The following ZBTB34 variants were observed in gnomAD, a reference collection of about 807,000 sequenced individuals.
The protein encoded by ZBTB34 is zinc finger and BTB domain-containing protein 34.
A neutral mutation model predicts 33.4 loss-of-function variants in ZBTB34; 1 was observed. The observed-to-expected ratio is 0.03, with a 90% CI of 0.01 to 0.14. ZBTB34 has a LOEUF of 0.14. ZBTB34 is among the 10% of genes least tolerant of loss of function. The probability of loss-of-function intolerance (pLI) is 1.00; values close to 1 mark genes in which losing one functional copy is unlikely to be tolerated. For missense variants in ZBTB34, 406 were observed against 657.2 expected (o/e 0.62, Z 4.18); for synonymous variants, 283 against 253.5 (o/e 1.12, Z -1.11).
At position 126,880,262 on chromosome 9, in the gene ZBTB34, C is replaced by T. The variant is rs762968550; in HGVS notation, c.863C>T (p.Ser288Phe). ...GGTTCTGTGCTCCAGCACGCATACTCCTATTCCCAAGCAGCCTCACAGCCA... is the reference window on the plus strand; with the variant it reads ...GGTTCTGTGCTCCAGCACGCATACTTCTATTCCCAAGCAGCCTCACAGCCA... The change falls in exon 2 of 2, where the codon TCC becomes TTC. Residue 288 changes from serine (S) to phenylalanine (F), a missense_variant. By Grantham distance (155) the Ser-to-Phe change is radical (BLOSUM62 -2). Coordinates refer to ENST00000319119, the Ensembl canonical transcript of ZBTB34. This position sits in a 1 kb window ranked among gnomAD's most constrained non-coding sequence, Gnocchi z 6.7. 7 of 1,613,816 alleles carry T rather than the reference C, an allele frequency of 4.3e-6. No individual in the cohort carries two copies. The highest frequency in any genetic ancestry group is 1.7e-6 in the Non-Finnish European group (2 of 1,179,908).
chr9:126,866,028 G>C (rs1381510993), intron 1 of ZBTB34, among the ~76,000 whole-genome samples: 1 of 152,138 alleles, frequency 6.6e-6, no homozygotes, highest in Non-Finnish European at 1.5e-5. Flanking sequence ...GGCTTGAGGA[G>C]AGGGCTAGGT....
chr9:126,867,126 C>CTT lies in ZBTB34; in HGVS notation c.-11+6403_-11+6404dup, dbSNP rs201393295. On this transcript the variant is annotated intron_variant, in intron 1 of 1. Transcript: ENST00000319119. ...TGAAACCAGTTTCCTTTGGGGGTTC[C>CTT]TTTTTTTTTTTTTTTTTGCTATAGC... Among the ~76,000 whole-genome samples, 1,057 of 128,534 alleles carry CTT rather than the reference C, an allele frequency of 8.2e-3. 10 individuals are homozygous for CTT. Among genetic ancestry groups the CTT allele is most frequent in the East Asian group, 0.024 (106 of 4,502 alleles). 84.3% of individuals were successfully genotyped at this position (128,534 alleles called of 152,430 possible).
rs367683707 is a variant in ZBTB34, at chr9:126,879,753, C to T, written c.354C>T (p.Val118=). ...CCAGCTTTCTTCAGATGCAGTGTGTCATTGACAAGTGCACGCAGATCCTAG... is the reference window on the plus strand; with the variant it reads ...CCAGCTTTCTTCAGATGCAGTGTGTTATTGACAAGTGCACGCAGATCCTAG... The change falls in exon 2 of 2, where the codon GTC becomes GTT. Residue 118 remains valine, a synonymous_variant. Coordinates refer to ENST00000319119, the Ensembl canonical transcript of ZBTB34. The surrounding 1 kb of genome is among the most constrained non-coding windows in gnomAD (Gnocchi z 6.4). The T allele has an allele frequency of 6.2e-7, 1 of 1,613,482 alleles. No homozygotes were observed. Among genetic ancestry groups the T allele is most frequent in the East Asian group, 2.2e-5 (1 of 44,894 alleles).
chr9:126,881,951 G>GT (rs1170304415), exon 2 of ZBTB34: 4 of 166,622 alleles, frequency 2.4e-5, no homozygotes, highest in African/African-American at 4.8e-5. Context: ...CAGTGTTGTG[G>GT]TTTTTTTTGT....
Position 126,880,836 on chromosome 9 carries a change from A to G in ZBTB34, c.1437A>G (p.Leu479=). ...CAGATGTGTACGTGGAACAGAAACTAGAAAATGACGCATCGGCCTCAGAGA... is the reference window on the plus strand; with the variant it reads ...CAGATGTGTACGTGGAACAGAAACTGGAAAATGACGCATCGGCCTCAGAGA... Residue 479 remains leucine (L), a synonymous_variant, in exon 2 of 2, where the codon CTA becomes CTG. Transcript: ENST00000319119. This position sits in a 1 kb window ranked among gnomAD's most constrained non-coding sequence, Gnocchi z 6.7. 2.5e-6 allele frequency: 4 copies of G among 1,613,676 alleles called. No homozygotes were observed. Among genetic ancestry groups the G allele is most frequent in the Non-Finnish European group, 3.4e-6 (4 of 1,179,880 alleles).
exon 2 of ZBTB34, chr9:126,882,058 T>A (rs1034524108): frequency 6.0e-6 from 1 of 167,032 alleles, no homozygotes; most frequent in African/African-American, 2.4e-5. Flanking sequence ...ACTTAGAATT[T>A]GTACTTTTTG....
At chr9:126,863,219 G>A (rs1270970623) in intron 1 of ZBTB34, among the ~76,000 whole-genome samples, 2 of 152,166 alleles carry the variant, frequency 1.3e-5, no homozygotes, top group Non-Finnish European at 2.9e-5. Flanking sequence ...TAATGCCTCT[G>A]AGCCTCCGTT....
chr9:126,877,063 T>C (rs1423963847), intron 1 of ZBTB34, among the ~76,000 whole-genome samples: 1 of 152,214 alleles, frequency 6.6e-6, no homozygotes, highest in East Asian at 1.9e-4. Context: ...CATCATTTGT[T>C]TTTCCTTTTC....
chr9:126,883,446 A>G (rs1009291116), exon 2 of ZBTB34: 1 of 167,064 alleles, frequency 6.0e-6, no homozygotes, highest in African/African-American at 2.4e-5. Context: ...CCTTATTTAC[A>G]TGGAGTTCTT....
chr9:126,876,715 G>A (rs1261352940), intron 1 of ZBTB34, among the ~76,000 whole-genome samples: 1 of 152,130 alleles, frequency 6.6e-6, no homozygotes, highest in African/African-American at 2.4e-5. Context: ...CAGTGTGAAC[G>A]GCCTGAAGAT....
In ZBTB34 at chr9:126,879,633, T is replaced by C; in HGVS notation, c.234T>C (p.Ile78=). 6.2e-7 allele frequency: 1 copy of C among 1,613,790 alleles called. No homozygotes were observed. Residue 78 remains isoleucine (I), a synonymous_variant, in exon 2 of 2, where the codon ATT becomes ATC. Coordinates refer to ENST00000319119, the Ensembl canonical transcript of ZBTB34. The surrounding 1 kb of genome is among the most constrained non-coding windows in gnomAD (Gnocchi z 6.4). ...TGAGTGGCTTGTCAATATCAGTGAT[T>C]AAAAATCCCAATGTGTTTGAGCAGT...
At position 126,879,128 on chromosome 9, in the gene ZBTB34, AG is replaced by A. The variant is rs2033401052; in HGVS notation, c.-10-261del. On this transcript the variant is annotated intron_variant, in intron 1 of 1. Coordinates refer to ENST00000319119, the Ensembl canonical transcript of ZBTB34. The surrounding 1 kb of genome is among the most constrained non-coding windows in gnomAD (Gnocchi z 6.4). The stretch of plus-strand genomic sequence containing the variant: ...CCAATTTCTCAGTCAGAGCCAAAAT[AG>A]TCCTACTATGTGTAAAATATTTTAC... Among the ~76,000 whole-genome samples the A allele has an allele frequency of 6.6e-6, 1 of 152,202 alleles. No homozygotes were observed. The highest frequency in any genetic ancestry group is 1.5e-5 in the Non-Finnish European group (1 of 68,036).
At chr9:126,862,690 C>G (rs2119203198) in intron 1 of ZBTB34, among the ~76,000 whole-genome samples, 1 of 152,330 alleles carries the variant, frequency 6.6e-6, no homozygotes, top group South Asian at 2.1e-4. Flanking sequence ...CCCTGACTTC[C>G]CTGCCCCCAT....
At chr9:126,870,705 TC>T (rs1564221983) in intron 1 of ZBTB34, among the ~76,000 whole-genome samples, 1 of 152,144 alleles carries the variant, frequency 6.6e-6, no homozygotes, top group African/African-American at 2.4e-5. Context: ...GGTGGGTGGA[TC>T]ATCTGAGGTC....
intron 1 of ZBTB34, among the ~76,000 whole-genome samples, chr9:126,870,369 T>C (rs570322723): frequency 6.6e-6 from 1 of 152,356 alleles, no homozygotes; most frequent in Non-Finnish European, 1.5e-5. Context: ...TGGTTTTCTG[T>C]ATGTAAGAGA....
intron 1 of ZBTB34, among the ~76,000 whole-genome samples, chr9:126,862,043 T>G (rs1305616718): frequency 6.6e-6 from 1 of 152,146 alleles, no homozygotes; most frequent in Non-Finnish European, 1.5e-5. Flanking sequence ...TATGAAAAGG[T>G]AATTTTGATG....
exon 2 of ZBTB34, chr9:126,882,413 C>A (rs1023381763): frequency 6.0e-6 from 1 of 167,084 alleles, no homozygotes; most frequent in Non-Finnish European, 1.5e-5. Flanking sequence ...TGAAAACATA[C>A]CTGAGTCCAT....
chr9:126,871,993 G>T (rs925379952), intron 1 of ZBTB34, among the ~76,000 whole-genome samples: 46 of 149,088 alleles, frequency 3.1e-4, no homozygotes, highest in African/African-American at 1.1e-3. Context: ...CGCTCTTGTT[G>T]CCCAGGCTGG....
At chr9:126,872,403 G>A (rs1230881421) in intron 1 of ZBTB34, among the ~76,000 whole-genome samples, 2 of 152,218 alleles carry the variant, frequency 1.3e-5, no homozygotes, top group Non-Finnish European at 2.9e-5. Flanking sequence ...GACAGAGTGA[G>A]ATCCTGTCTC....
Sources: allele counts gnomAD v4.1 joint callset (sites outside exome capture counted in the v4.1 genomes callset), GRCh38; gene constraint gnomAD v4.1.1; non-coding constraint Gnocchi (gnomAD v3.1); transcripts MANE v1.5; gene names NCBI Gene and HGNC (gene_info 2026-07-23, HGNC 2026-07-21).